The following SELENOW variants were observed in gnomAD, a reference collection of about 807,000 sequenced individuals.
SELENOW encodes the protein selenoprotein W.
In SELENOW, 20 loss-of-function variants were observed where a neutral mutation model predicts 16.6. The observed-to-expected ratio is 1.21, with a 90% confidence interval of 0.85 to 1.76. The LOEUF (loss-of-function observed/expected upper bound fraction) is 1.76. Among genes scored for constraint, SELENOW ranks in the 40% most tolerant of loss-of-function variants. The pLI, the probability that SELENOW is intolerant of heterozygous loss-of-function variation, is 0.00. For synonymous variants in SELENOW, 44 were observed against 46.2 expected (o/e 0.95, Z 0.19); for missense variants, 124 against 111.0 (o/e 1.12, Z -0.53).
intron 5 of SELENOW, chr19:47,782,631 C>G (rs1300109765): frequency 6.6e-6 from 1 of 151,938 alleles, no homozygotes; most frequent in Non-Finnish European, 1.5e-5. Context: ...GCCTCTGCCT[C>G]CCGAGTTCAA....
In SELENOW at chr19:47,780,929, G is replaced by A. The variant is rs1430186270; in HGVS notation, c.108+12G>A. ...GCCGCCTGGACATCGTGAGTCTTGG[G>A]ATGGGGAGAAAGACTTGAGCACAGC... On this transcript the variant is annotated intron_variant, in intron 3 of 5. Coordinates refer to ENST00000601048, the MANE Select transcript of SELENOW (RefSeq NM_003009.4). 1.2e-6 allele frequency: 2 copies of A among 1,613,090 alleles called. No individual in the cohort carries two copies. The highest frequency in any genetic ancestry group is 1.7e-6 in the Non-Finnish European group (2 of 1,179,506).
In SELENOW at chr19:47,780,727, G is replaced by A; in HGVS notation, c.32G>A (p.Gly11Asp). The change falls in exon 2 of 6, where the codon GGC becomes GAC. Residue 11 changes from glycine to aspartate, a missense_variant and splice_region_variant. Transcript: ENST00000601048. MALAVRVVYC[G>D]AUGYKSKYLQ... Reference sequence around the variant, plus strand: ...AATGTCTTGGACTCTCCTACCAGTGGCGCTTGAGGCTACAAGTCCAAGGTA... The same window carrying A: ...AATGTCTTGGACTCTCCTACCAGTGACGCTTGAGGCTACAAGTCCAAGGTA... 1 of 1,560,758 alleles carries A rather than the reference G, an allele frequency of 6.4e-7. No individual in the cohort carries two copies. The highest frequency in any genetic ancestry group is 1.2e-5 in the South Asian group (1 of 84,850).
chr19:47,781,702 G>A (rs1042484944), intron 5 of SELENOW: 1 of 452,202 alleles, frequency 2.2e-6, no homozygotes, highest in Non-Finnish European at 4.1e-6. Context: ...AGCTGAGATG[G>A]TGATGGGTCA....
At chr19:47,781,899 AG>A (rs1468673642) in intron 5 of SELENOW, among the ~76,000 whole-genome samples, 1 of 151,516 alleles carries the variant, frequency 6.6e-6, no homozygotes, top group Non-Finnish European at 1.5e-5. Context: ...ATGGGGTCAG[AG>A]GTGTGCAGGA....
In SELENOW at chr19:47,778,758, T is replaced by G; in HGVS notation, c.-28T>G. On this transcript the variant is annotated 5_prime_UTR_variant, in exon 1 of 6. Coordinates refer to ENST00000601048, the MANE Select transcript of SELENOW (RefSeq NM_003009.4). The stretch of plus-strand genomic sequence containing the variant: ...AGGTTAGTGTGGCCCGGGCGTCCGC[T>G]CCTCAGCGGATGTGGCAGCCCCGAG... 6.3e-7 allele frequency: 1 copy of G among 1,599,004 alleles called. No homozygotes were observed. Among genetic ancestry groups the G allele is most frequent in the Non-Finnish European group, 8.5e-7 (1 of 1,173,776 alleles).
In SELENOW at chr19:47,780,115, A is replaced by G. The variant is rs1300715816; in HGVS notation, c.30-610A>G. On this transcript the variant is annotated intron_variant, in intron 1 of 5. Coordinates refer to ENST00000601048, the MANE Select transcript of SELENOW (RefSeq NM_003009.4). ...GGGACTGGGAAGGTGTTCAGAATCT[A>G]GGAGCTGCGGGGCCGGGTGCGGTGG... The G allele has an allele frequency of 6.6e-6, 3 of 455,922 alleles. 1 individual carries two copies. In the Admixed American group the frequency reaches 7.1e-5, roughly 11 times the overall value. The allele number at this position is 455,922 out of a possible 1,614,324, so 28.2% of individuals were successfully genotyped here. A position where few individuals can be genotyped will look rare whatever the true frequency, so the allele number is the denominator to read the frequency against.
chr19:47,780,401 C>G (rs776799464), intron 1 of SELENOW: 15 of 460,028 alleles, frequency 3.3e-5, no homozygotes, highest in Non-Finnish European at 5.6e-5. Context: ...GTCCCCGTCT[C>G]TCGTATTTGT....
intron 1 of SELENOW, chr19:47,779,208 G>A (rs1967443761): frequency 4.9e-6 from 1 of 204,492 alleles, no homozygotes; most frequent in Non-Finnish European, 9.8e-6. Context: ...TGAGAGCCCA[G>A]AAGGTTCGAG....
At chr19:47,782,215 A>G (rs533114663) in intron 5 of SELENOW, 1 of 152,806 alleles carries the variant, frequency 6.5e-6, no homozygotes, top group African/African-American at 2.4e-5. Context: ...CCGGGCTCTG[A>G]ACCTGAGAAT....
intron 1 of SELENOW, 118 bp downstream of exon 1, chr19:47,778,932 G>A (rs1967439962): frequency 9.8e-7 from 1 of 1,018,822 alleles, no homozygotes; most frequent in Non-Finnish European, 1.4e-6. Flanking sequence ...GGAAAAGGGA[G>A]CCCCTGTATG....
At chr19:47,780,631 C>G (rs1408606348) in intron 1 of SELENOW, 94 bp from the exon 2 acceptor site, 4 of 1,075,328 alleles carry the variant, frequency 3.7e-6, no homozygotes, top group South Asian at 1.4e-5. Context: ...CCATCTTGCT[C>G]TCTCCCCACA....
chr19:47,779,686 G>A (rs1967450134), intron 1 of SELENOW: 1 of 153,634 alleles, frequency 6.5e-6, no homozygotes, highest in African/African-American at 2.4e-5. Flanking sequence ...GCGCACTCCT[G>A]TAGTCGCAGC....
chr19:47,780,472 T>G (rs1464215052), intron 1 of SELENOW: 1 of 554,364 alleles, frequency 1.8e-6, no homozygotes, highest in Non-Finnish European at 3.3e-6. Context: ...TTGCTTGGTG[T>G]TGGTTTTCTG....
chr19:47,780,022 C>A (rs1475305407), intron 1 of SELENOW: 4 of 397,732 alleles, frequency 1.0e-5, no homozygotes, highest in East Asian at 7.4e-5. Context: ...GCCTACCAGG[C>A]CTGTACACCA....
chr19:47,781,157 C>G lies in SELENOW; in HGVS notation c.158C>G (p.Ala53Gly), dbSNP rs1453633430. 2 of 1,613,748 alleles carry G rather than the reference C, an allele frequency of 1.2e-6. No homozygotes were observed. Among genetic ancestry groups the G allele is most frequent in the Non-Finnish European group, 1.7e-6 (2 of 1,179,846 alleles). Reference protein sequence around the residue: ...QATGFFEVMVAGKLIHSKKKG... With the variant: ...QATGFFEVMVGGKLIHSKKKG... ...ACCGGGTTCTTTGAAGTGATGGTAG[C>G]CGGGAAGTTGATTCACTCTAAGAAG... is the stretch of plus-strand genomic sequence containing the variant. Residue 53 changes from alanine (A) to glycine (G), a missense_variant, in exon 4 of 6, where the codon GCC (alanine) becomes GGC (glycine). By Grantham distance (60) the Ala-to-Gly change is moderately conservative. Transcript: ENST00000601048.
At chr19:47,780,567 A>G in intron 1 of SELENOW, 158 bp from the exon 2 acceptor site, 2 of 647,284 alleles carry the variant, frequency 3.1e-6, no homozygotes, top group South Asian at 3.7e-5. Context: ...TCTTGAGGGC[A>G]TCTGTCACCT....
chr19:47,782,298 GAATGCTCTAGAAACA>G (rs1170530255), intron 5 of SELENOW: 1 of 152,180 alleles, frequency 6.6e-6, no homozygotes, highest in African/African-American at 2.4e-5. Flanking sequence ...ATGAGTCCAA[GAATGCTCTAGAAACA>G]AATGCTAACT....
chr19:47,783,290 T>A (rs1366607744), intron 5 of SELENOW: 1 of 151,676 alleles, frequency 6.6e-6, no homozygotes, highest in Non-Finnish European at 1.5e-5. Flanking sequence ...AAGCTCCGCC[T>A]CCCGGGTTCA....
In SELENOW at chr19:47,784,416, C is replaced by T. The variant is rs1388177231; in HGVS notation, c.*145C>T. 6.6e-6 allele frequency: 1 copy of T among 152,622 alleles called. No homozygotes were observed. The highest frequency in any genetic ancestry group is 1.5e-5 in the Non-Finnish European group (1 of 68,076). 9.5% of individuals were successfully genotyped at this position (152,622 alleles called of 1,614,324 possible). A position where few individuals can be genotyped will look rare whatever the true frequency, so the allele number is the denominator to read the frequency against. On this transcript the variant is annotated 3_prime_UTR_variant, in exon 6 of 6. Coordinates refer to ENST00000601048, the MANE Select transcript of SELENOW (RefSeq NM_003009.4). ...CTGTTGGGGGCAGAGATTGACGCCCCCGGTCTTTGCCTCTGAGCGGGAGAG... is the reference window on the plus strand; with the variant it reads ...CTGTTGGGGGCAGAGATTGACGCCCTCGGTCTTTGCCTCTGAGCGGGAGAG...
Sources: gnomAD v4.1 joint callset for allele counts (sites outside exome capture counted in the v4.1 genomes callset) on GRCh38, gnomAD v4.1.1 for gene constraint, MANE v1.5 for transcripts, NCBI Gene and HGNC (gene_info 2026-07-23, HGNC 2026-07-21) for gene names.